HTR4: variants seen among roughly 807,000 people sequenced by gnomAD.
HTR4 encodes the protein 5-hydroxytryptamine (serotonin) receptor 4, G protein-coupled.
In HTR4, 16 loss-of-function variants were observed where a neutral mutation model predicts 36.8. The observed-to-expected ratio is 0.43, with a 90% CI of 0.29 to 0.66. HTR4 has a LOEUF of 0.66. Among genes scored for constraint, HTR4 ranks in the 30% least tolerant of loss-of-function variants. The probability of loss-of-function intolerance (pLI) is 0.13; values close to 1 mark genes in which losing one functional copy is unlikely to be tolerated. For synonymous variants in HTR4, 189 were observed against 185.1 expected, an observed-to-expected ratio of 1.02 and a Z score of -0.17; for missense variants, 438 against 490.9, an observed-to-expected ratio of 0.89 and a Z score of 1.02.
intron 2 of HTR4, among the ~76,000 whole-genome samples, chr5:148,628,039 C>T (rs1180507245): frequency 1.3e-5 from 2 of 152,182 alleles, no homozygotes; most frequent in African/African-American, 4.8e-5. Flanking sequence ...AACAGGGACT[C>T]ACAGTTACGA....
chr5:148,616,253 T>G (rs1752685422), intron 2 of HTR4, among the ~76,000 whole-genome samples: 1 of 152,250 alleles, frequency 6.6e-6, no homozygotes, highest in African/African-American at 2.4e-5. Flanking sequence ...ATGGTTTATT[T>G]TTCCAAAATG....
At chr5:148,515,706 T>C (rs1254377157) in intron 5 of HTR4, among the ~76,000 whole-genome samples, 2 of 152,182 alleles carry the variant, frequency 1.3e-5, no homozygotes, top group Admixed American at 1.3e-4. Flanking sequence ...TTAAGTTTAA[T>C]TTGTCATTTT....
chr5:148,467,190 C>A (rs79825070), intron 5 of HTR4, among the ~76,000 whole-genome samples: 1 of 152,068 alleles, frequency 6.6e-6, no homozygotes, highest in Non-Finnish European at 1.5e-5. Context: ...CACAATTAAG[C>A]GGTGTTGAAT....
intron 2 of HTR4, among the ~76,000 whole-genome samples, chr5:148,588,529 T>C (rs866088297): frequency 0.32 from 27,388 of 84,944 alleles, 3,041 homozygotes; most frequent in Non-Finnish European, 0.37. Context: ...TTTTAATTCT[T>C]TTTTTTTTTT....
At chr5:148,582,698 C>A (rs1761184524) in intron 2 of HTR4, among the ~76,000 whole-genome samples, 1 of 152,070 alleles carries the variant, frequency 6.6e-6, no homozygotes, top group Non-Finnish European at 1.5e-5. Flanking sequence ...AAGAATGGTG[C>A]AATTGTGAAT....
In HTR4 at chr5:148,483,066, G is replaced by T. The variant is rs200955630; in HGVS notation, c.*137C>A. 6 of 1,483,944 alleles carry T rather than the reference G, an allele frequency of 4.0e-6. No homozygotes were observed. Among genetic ancestry groups the T allele is most frequent in the Non-Finnish European group, 3.6e-6 (4 of 1,111,548 alleles). 91.9% of individuals were successfully genotyped at this position (1,483,944 alleles called of 1,614,324 possible). On this transcript the variant is annotated 3_prime_UTR_variant, in exon 7 of 7. Coordinates refer to ENST00000377888, the MANE Select transcript of HTR4 (RefSeq NM_000870.7). ...TGGAATCTCAGAGGAAAAGCCCAGC[G>T]AGCACCGGGTTCCTGCACTGGCGGA...
At chr5:148,521,089 G>A (rs1757991708) in intron 5 of HTR4, 3 of 1,234,626 alleles carry the variant, frequency 2.4e-6, no homozygotes, top group South Asian at 2.6e-5. Context: ...ACATCTCGAT[G>A]TATCCGGGGA....
rs541009941 is a variant in HTR4, at chr5:148,604,009, C to G, written c.26+32980G>C. Among the ~76,000 whole-genome samples the G allele has an allele frequency of 5.3e-5, 8 of 152,110 alleles. No individual in the cohort carries two copies. The East Asian group carries it at 1.5e-3, about 29-fold the overall frequency. ...AACTCATCATAACCCTTACCATATA[C>G]CATGTAAAAACTCAAATTCAAATGA... On this transcript the variant is annotated intron_variant, in intron 2 of 6. Coordinates refer to ENST00000377888, the MANE Select transcript of HTR4 (RefSeq NM_000870.7).
chr5:148,585,431 T>C (rs1478964650), intron 2 of HTR4, among the ~76,000 whole-genome samples: 1 of 152,220 alleles, frequency 6.6e-6, no homozygotes, highest in East Asian at 1.9e-4. Context: ...GCTAGAAAGA[T>C]AGCTTAACCT....
At chr5:148,529,740 A>G (rs753123062) in intron 4 of HTR4, among the ~76,000 whole-genome samples, 51 of 152,228 alleles carry the variant, frequency 3.4e-4, no homozygotes, top group Non-Finnish European at 5.6e-4. Flanking sequence ...GAGGACTCAG[A>G]AGAAGACAGG....
intron 2 of HTR4, among the ~76,000 whole-genome samples, chr5:148,574,144 C>T (rs2113886311): frequency 6.6e-6 from 1 of 152,154 alleles, no homozygotes; most frequent in East Asian, 1.9e-4. Flanking sequence ...TCAGAAGAAT[C>T]AACATAAAGT....
chr5:148,549,186 C>G (rs191746616), intron 3 of HTR4, among the ~76,000 whole-genome samples: 3 of 152,238 alleles, frequency 2.0e-5, no homozygotes, highest in East Asian at 3.9e-4. Context: ...ACATATAGGT[C>G]CCTTTTGAGG....
downstream of HTR4, among the ~76,000 whole-genome samples, chr5:148,477,739 T>C (rs1755743995): frequency 6.6e-6 from 1 of 152,228 alleles, no homozygotes; most frequent in African/African-American, 2.4e-5. Flanking sequence ...CCTTTACTTA[T>C]TTCTCTGATC....
intron 5 of HTR4, among the ~76,000 whole-genome samples, chr5:148,460,042 G>A (rs896955078): frequency 1.3e-5 from 2 of 152,084 alleles, no homozygotes; most frequent in South Asian, 2.1e-4. Context: ...GACTAGACAT[G>A]GTTGAGAAAA....
intron 2 of HTR4, among the ~76,000 whole-genome samples, chr5:148,616,043 A>G (rs1233764525): frequency 6.6e-6 from 1 of 152,192 alleles, no homozygotes; most frequent in Non-Finnish European, 1.5e-5. Flanking sequence ...AAGCACACAT[A>G]GTAATTCCAC....
Position 148,548,773 on chromosome 5 carries a change from T to C in HTR4, c.248A>G (p.Gln83Arg). 1.9e-6 allele frequency: 3 copies of C among 1,614,062 alleles called. No individual in the cohort carries two copies. The highest frequency in any genetic ancestry group is 2.5e-6 in the Non-Finnish European group (3 of 1,179,998). Residue 83 changes from glutamine (Q) to arginine (R), a missense_variant, in exon 4 of 7, where the codon CAA (glutamine) becomes CGA (arginine). Gln to Arg is a conservative substitution (Grantham distance 43, BLOSUM62 1). Transcript: ENST00000377888. ...CACCTCCCCATAAATCCAGATGTCT[T>C]GAACCAGCTCAATGGCACCAAAGGG... ...VMPFGAIELV[Q>R]DIWIYGEVFC...
chr5:148,469,486 G>C (rs1755512067), intron 5 of HTR4, among the ~76,000 whole-genome samples: 1 of 152,134 alleles, frequency 6.6e-6, no homozygotes, highest in Non-Finnish European at 1.5e-5. Context: ...CTCCTCACCT[G>C]AACATTTCCC....
At chr5:148,606,159 C>T (rs1293737364) in intron 2 of HTR4, among the ~76,000 whole-genome samples, 2 of 149,364 alleles carry the variant, frequency 1.3e-5, no homozygotes, top group Non-Finnish European at 3.0e-5. Context: ...AGCAGGTGTC[C>T]TTTCAAATGA....
At chr5:148,558,957 A>G (rs960527325) in intron 2 of HTR4, among the ~76,000 whole-genome samples, 2 of 152,212 alleles carry the variant, frequency 1.3e-5, no homozygotes, top group Non-Finnish European at 2.9e-5. Flanking sequence ...CACATTGTAA[A>G]TGGAAAATGC....
Sources: gnomAD v4.1 joint callset for allele counts (sites outside exome capture counted in the v4.1 genomes callset) on GRCh38, gnomAD v4.1.1 for gene constraint, MANE v1.5 for transcripts, NCBI Gene and HGNC (gene_info 2026-07-23, HGNC 2026-07-21) for gene names.